Variants in SLC25A35 observed in about 807,000 individuals in gnomAD.
SLC25A35 encodes solute carrier family 25, member 35.
In SLC25A35, 32 loss-of-function variants were observed where a neutral mutation model predicts 30.5. The observed-to-expected ratio is 1.05, with a 90% CI of 0.79 to 1.41. SLC25A35 has a LOEUF of 1.41. Among genes scored for constraint, SLC25A35 ranks in the 40% most tolerant of loss-of-function variants. The probability of loss-of-function intolerance (pLI) is 0.00; values close to 1 mark genes in which losing one functional copy is unlikely to be tolerated. For synonymous variants in SLC25A35, 142 were observed against 158.1 expected, an observed-to-expected ratio of 0.90 and a Z score of 0.77; for missense variants, 369 against 388.0, an observed-to-expected ratio of 0.95 and a Z score of 0.41.
At chr17:8,291,064 C>T in intron 3 of SLC25A35, 88 bp from the exon 4 acceptor site, 1 of 1,541,224 alleles carries the variant, frequency 6.5e-7, no homozygotes, top group Non-Finnish European at 8.8e-7. Flanking sequence ...GACACAGATG[C>T]TGGTAACTGG....
At chr17:8,290,781 C>T (rs1990430532) in intron 4 of SLC25A35, 61 bp downstream of exon 4, 2 of 1,604,516 alleles carry the variant, frequency 1.2e-6, no homozygotes, top group African/African-American at 1.3e-5. Flanking sequence ...ATCCCACCTG[C>T]ACCCGCAATC....
chr17:8,287,988 G>C (rs1356521219), downstream of SLC25A35: 3 of 152,234 alleles, frequency 2.0e-5, no homozygotes, highest in Admixed American at 2.0e-4. Flanking sequence ...TTAGCGGTCT[G>C]GGTGGCAGCC....
At chr17:8,293,359 A>G (rs993854743) in intron 1 of SLC25A35, among the ~76,000 whole-genome samples, 3 of 152,198 alleles carry the variant, frequency 2.0e-5, no homozygotes, top group Middle Eastern at 3.4e-3. Flanking sequence ...TCCAACCTCA[A>G]TATCAACACA....
downstream of SLC25A35, chr17:8,289,049 C>G: frequency 6.2e-7 from 1 of 1,613,868 alleles, no homozygotes. Flanking sequence ...TGCAGGCCCA[C>G]GTACGGGGCG....
Position 8,290,573 on chromosome 17 carries a change from G to A in SLC25A35, c.835C>T (p.Pro279Ser), listed in dbSNP as rs1190141868. The A allele has an allele frequency of 2.0e-6, 3 of 1,536,128 alleles. No homozygotes were observed. The highest frequency in any genetic ancestry group is 2.6e-6 in the Non-Finnish European group (3 of 1,146,892). The change falls in exon 5 of 5, where the codon CCC becomes TCC. Residue 279 changes from proline to serine, a missense_variant. Transcript: ENST00000577745. Reference sequence around the variant, plus strand: ...AAGAAGAGGGAGAGGATGGTGTGGGGGCCGAGGCGGAAGTAGGAGGCACCT... The same window carrying A: ...AAGAAGAGGGAGAGGATGGTGTGGGAGCCGAGGCGGAAGTAGGAGGCACCT... ...GIGASYFRLG[P>S]HTILSLFFWD...
chr17:8,293,552 C>CT lies in SLC25A35; in HGVS notation c.375+880dup, dbSNP rs3033783. Among the ~76,000 whole-genome samples the CT allele has an allele frequency of 3.0e-3, 389 of 129,152 alleles. 1 individual carries two copies. Among genetic ancestry groups the CT allele is most frequent in the East Asian group, 6.0e-3 (28 of 4,698 alleles). 84.7% of individuals were successfully genotyped at this position (129,152 alleles called of 152,430 possible). A position where few individuals can be genotyped will look rare whatever the true frequency, so the allele number is the denominator to read the frequency against. On this transcript the variant is annotated intron_variant, in intron 1 of 4. Coordinates refer to ENST00000577745, the MANE Select transcript of SLC25A35 (RefSeq NM_001320870.2). The stretch of plus-strand genomic sequence containing the variant: ...AACAACTAGTAATTTTCTTTCTTTT[C>CT]TTTTTTTTTTTTTTTTTGAGACGGA...
At chr17:8,292,641 G>A (rs1990593458) in intron 1 of SLC25A35, 53 bp from the exon 2 acceptor site, 1 of 1,543,034 alleles carries the variant, frequency 6.5e-7, no homozygotes, top group East Asian at 2.2e-5. Context: ...CCTCCTACCT[G>A]AGAACCAAAT....
rs2151613357 is a variant in SLC25A35, at chr17:8,290,569, T to G, written c.839A>C (p.His280Pro). 6.5e-7 allele frequency: 1 copy of G among 1,535,998 alleles called. No homozygotes were observed. The highest frequency in any genetic ancestry group is 1.2e-5 in the South Asian group (1 of 84,068). ...CCAGAAGAAGAGGGAGAGGATGGTG[T>G]GGGGGCCGAGGCGGAAGTAGGAGGC... is the stretch of plus-strand genomic sequence containing the variant. ...IGASYFRLGP[H>P]TILSLFFWDQ... is the part of the protein sequence containing the mutation. Residue 280 changes from histidine to proline, a missense_variant, in exon 5 of 5, where the codon CAC becomes CCC. Coordinates refer to ENST00000577745, the MANE Select transcript of SLC25A35 (RefSeq NM_001320870.2).
downstream of SLC25A35, chr17:8,289,974 G>A (rs1038845672): frequency 6.2e-6 from 10 of 1,613,132 alleles, no homozygotes; most frequent in South Asian, 4.4e-5. Flanking sequence ...TGAGAACTTG[G>A]GGACTCGGTT....
rs1990753200 is a variant in SLC25A35 at position 8,294,765 on chromosome 17, C to T, written c.43G>A (p.Val15Ile). 1 of 1,608,112 alleles carries T rather than the reference C, an allele frequency of 6.2e-7. No homozygotes were observed. The highest frequency in any genetic ancestry group is 1.1e-5 in the South Asian group (1 of 90,530). The change falls in exon 1 of 5, where the codon GTA becomes ATA. Residue 15 changes from valine to isoleucine, a missense_variant. By Grantham distance (29) the Val-to-Ile change is conservative. Transcript: ENST00000577745. ...ACCACCTCCAGGGGATTGGTGAATACACAGGCCCCGCAGGCTGCCAGGCCA... is the reference window on the plus strand; with the variant it reads ...ACCACCTCCAGGGGATTGGTGAATATACAGGCCCCGCAGGCTGCCAGGCCA... ...MSGLAACGACVFTNPLEVVKT... is the reference protein window; with the variant it reads ...MSGLAACGACIFTNPLEVVKT...
In SLC25A35 at chr17:8,290,514, G is replaced by T; in HGVS notation, c.894C>A (p.Asp298Glu). 1 of 1,535,968 alleles carries T rather than the reference G, an allele frequency of 6.5e-7. No homozygotes were observed. The highest frequency in any genetic ancestry group is 8.7e-7 in the Non-Finnish European group (1 of 1,146,816). Residue 298 changes from aspartate (D) to glutamate (E), a missense_variant, in exon 5 of 5, where the codon GAC becomes GAA. By Grantham distance (45) the Asp-to-Glu change is conservative (BLOSUM62 2). Transcript: ENST00000577745. ...ACTGGGAAAGCGGCTGTTATTTAGT[G>T]TCTGTGTAGTAGAGGGAGCGCAGCT... is the stretch of plus-strand genomic sequence containing the variant. ...WDQLRSLYYT[D>E]TK
chr17:8,289,740 G>C (rs1990332310), downstream of SLC25A35: 5 of 1,613,890 alleles, frequency 3.1e-6, no homozygotes, highest in Non-Finnish European at 4.2e-6. Flanking sequence ...GGTCCTCTGG[G>C]GAACAGGAAT....
chr17:8,290,854 A>G lies in SLC25A35; in HGVS notation c.717T>C (p.Asp239=). The G allele has an allele frequency of 6.2e-7, 1 of 1,613,940 alleles. No individual in the cohort carries two copies. Among genetic ancestry groups the G allele is most frequent in the Non-Finnish European group, 8.5e-7 (1 of 1,179,868 alleles). The change falls in exon 4 of 5, where the codon GAT becomes GAC. Residue 239 remains aspartate (D), a synonymous_variant. Transcript: ENST00000577745. ...ACTRLYNQPT[D]AQGKGLMYRG... ...AGCACTTCCTTACCTTGCCCTGTGCATCTGTGGGCTGGTTGTAGAGCCTTG... is the reference window on the plus strand; with the variant it reads ...AGCACTTCCTTACCTTGCCCTGTGCGTCTGTGGGCTGGTTGTAGAGCCTTG...
intron 1 of SLC25A35, among the ~76,000 whole-genome samples, chr17:8,292,846 G>A (rs891867498): frequency 2.0e-5 from 3 of 152,090 alleles, no homozygotes; most frequent in Non-Finnish European, 2.9e-5. Context: ...GCTAGCAGTC[G>A]GGGGTGGAGT....
intron 2 of SLC25A35, 117 bp downstream of exon 2, chr17:8,292,406 C>T (rs1464229539): frequency 3.9e-6 from 4 of 1,020,328 alleles, no homozygotes; most frequent in Non-Finnish European, 6.2e-6. Flanking sequence ...CAAAATGGGA[C>T]AGAACCGATG....
chr17:8,289,091 G>C, downstream of SLC25A35: 1 of 1,612,246 alleles, frequency 6.2e-7, no homozygotes. Context: ...ATGGCCCCCG[G>C]CTGGCCAATG....
intron 2 of SLC25A35, among the ~76,000 whole-genome samples, chr17:8,291,954 C>A (rs1481247394): frequency 6.6e-6 from 1 of 151,990 alleles, no homozygotes; most frequent in Admixed American, 6.6e-5. Context: ...GAGGCCGAGG[C>A]GGGCGGATCA....
chr17:8,288,967 C>G (rs1383307755), downstream of SLC25A35: 2 of 1,614,032 alleles, frequency 1.2e-6, no homozygotes, highest in African/African-American at 1.3e-5. Context: ...GACCTCCGAC[C>G]GGTCCCGGAC....
chr17:8,294,201 C>G (rs1990707366), intron 1 of SLC25A35, among the ~76,000 whole-genome samples: 1 of 152,224 alleles, frequency 6.6e-6, no homozygotes, highest in Non-Finnish European at 1.5e-5. Flanking sequence ...AGGTGTGAAC[C>G]ACTGCACCCG....
Sources: allele counts gnomAD v4.1 joint callset (sites outside exome capture counted in the v4.1 genomes callset), GRCh38; gene constraint gnomAD v4.1.1; transcripts MANE v1.5; gene names NCBI Gene and HGNC (gene_info 2026-07-23, HGNC 2026-07-21).